TPRG1: variants seen among roughly 807,000 people sequenced by gnomAD.
TPRG1 encodes tumor protein p63 regulated 1.
TPRG1 carries 29 observed loss-of-function variants against 29.3 expected under a neutral mutation model. The observed-to-expected ratio is 0.99, with a 90% CI of 0.74 to 1.35. TPRG1 has a LOEUF of 1.35. Among genes scored for constraint, TPRG1 ranks in the 40% most tolerant of loss-of-function variants. TPRG1 has a pLI of 0.00. For synonymous variants in TPRG1, 130 were observed against 116.8 expected (o/e 1.11, Z -0.73); for missense variants, 327 against 335.0 (o/e 0.98, Z 0.19).
intron 1 of TPRG1, among the ~76,000 whole-genome samples, chr3:189,182,480 G>A (rs1730358383): frequency 6.6e-6 from 1 of 152,098 alleles, no homozygotes; most frequent in Non-Finnish European, 1.5e-5. Flanking sequence ...GCTAACCTGT[G>A]GGAAAATGGA....
chr3:189,052,913 T>G (rs1286094437), intron 4 of TPRG1, among the ~76,000 whole-genome samples: 2 of 152,064 alleles, frequency 1.3e-5, no homozygotes, highest in Non-Finnish European at 2.9e-5. Flanking sequence ...AATGATACAA[T>G]GGACTTTGGG....
At chr3:189,237,420 A>G (rs1351936443) in intron 3 of TPRG1, among the ~76,000 whole-genome samples, 1 of 152,142 alleles carries the variant, frequency 6.6e-6, no homozygotes, top group Non-Finnish European at 1.5e-5. Context: ...CCCACATGGT[A>G]CCCATTGCTA....
At chr3:189,205,360 T>C (rs1320992897) in intron 1 of TPRG1, among the ~76,000 whole-genome samples, 4 of 152,234 alleles carry the variant, frequency 2.6e-5, no homozygotes, top group Admixed American at 6.5e-5. Flanking sequence ...AGGGTGAACA[T>C]ATATATAGAG....
At chr3:189,000,295 T>G (rs710498) in intron 1 of TPRG1, among the ~76,000 whole-genome samples, 1 of 152,110 alleles carries the variant, frequency 6.6e-6, no homozygotes. Flanking sequence ...TATATTGCAT[T>G]TGTCTTCATC....
At chr3:189,151,221 G>C (rs949973647) in intron 5 of TPRG1, 50 of 91,628 alleles carry the variant, frequency 5.5e-4, no homozygotes, top group African/African-American at 2.9e-3. Context: ...CTTAACACCA[G>C]TCGTCCTTCA....
intron 4 of TPRG1, among the ~76,000 whole-genome samples, chr3:189,301,160 G>A (rs550412282): frequency 1.6e-3 from 246 of 151,886 alleles, no homozygotes; most frequent in African/African-American, 5.3e-3. Context: ...TTAGCCAGAC[G>A]TGGTGTCACA....
upstream of TPRG1, among the ~76,000 whole-genome samples, chr3:189,171,034 C>G (rs1451352246): frequency 6.6e-6 from 1 of 152,184 alleles, no homozygotes; most frequent in South Asian, 2.1e-4. Context: ...TTTCTGTGCT[C>G]TCCTTTCTTT....
chr3:189,061,398 A>C (rs1359026629), intron 4 of TPRG1, among the ~76,000 whole-genome samples: 1 of 152,252 alleles, frequency 6.6e-6, no homozygotes, highest in Non-Finnish European at 1.5e-5. Context: ...TTTCATGACA[A>C]AAATGCCAAA....
At chr3:189,025,034 C>A (rs893288819) in intron 4 of TPRG1, among the ~76,000 whole-genome samples, 2 of 152,144 alleles carry the variant, frequency 1.3e-5, no homozygotes, top group Non-Finnish European at 2.9e-5. Context: ...GCTGCCTGGT[C>A]CCCTGGATTC....
chr3:189,316,659 C>T (rs1393080908), intron 5 of TPRG1, among the ~76,000 whole-genome samples: 4 of 152,180 alleles, frequency 2.6e-5, no homozygotes, highest in African/African-American at 4.8e-5. Context: ...CGATGTCCCC[C>T]CTGTCCCCAC....
At chr3:189,117,339 C>T (rs1417439505) in intron 1 of TPRG1, among the ~76,000 whole-genome samples, 1 of 152,208 alleles carries the variant, frequency 6.6e-6, no homozygotes, top group Non-Finnish European at 1.5e-5. Flanking sequence ...TTTGCCAGCA[C>T]CTTTCCACCA....
At chr3:189,057,737 A>G (rs1715793798) in intron 4 of TPRG1, among the ~76,000 whole-genome samples, 1 of 145,706 alleles carries the variant, frequency 6.9e-6, no homozygotes, top group Admixed American at 6.9e-5. Context: ...TATTTCTATT[A>G]GTATATATAT....
At chr3:189,250,964 C>A (rs1014254080) in intron 4 of TPRG1, among the ~76,000 whole-genome samples, 1 of 151,942 alleles carries the variant, frequency 6.6e-6, no homozygotes, top group Non-Finnish European at 1.5e-5. Context: ...TGATCGCGGG[C>A]CTTAAAATCT....
chr3:189,089,785 G>A (rs536924752), intron 4 of TPRG1, among the ~76,000 whole-genome samples: 1 of 152,198 alleles, frequency 6.6e-6, no homozygotes, highest in African/African-American at 2.4e-5. Context: ...ACCTTTTAAA[G>A]GTCCCACCTT....
At chr3:189,315,588 A>G (rs62289687) in intron 5 of TPRG1, 12,617 of 432,018 alleles carry the variant, frequency 0.029, 256 homozygotes, top group Admixed American at 0.049. Flanking sequence ...ATCATGATCT[A>G]CAGACCAACC....
chr3:189,262,193 G>C (rs539306798), intron 4 of TPRG1, among the ~76,000 whole-genome samples: 4 of 123,122 alleles, frequency 3.2e-5, no homozygotes, highest in African/African-American at 1.4e-4. Flanking sequence ...GCATGGGTCT[G>C]AGAAGACTTG....
chr3:189,047,095 G>A (rs1180478066), intron 4 of TPRG1, among the ~76,000 whole-genome samples: 3 of 152,218 alleles, frequency 2.0e-5, no homozygotes, highest in South Asian at 2.1e-4. Context: ...TAGATGGAGC[G>A]AAGGATGCTA....
At chr3:189,221,068 C>G (rs1011015163) in intron 3 of TPRG1, among the ~76,000 whole-genome samples, 3 of 152,216 alleles carry the variant, frequency 2.0e-5, no homozygotes, top group African/African-American at 7.2e-5. Context: ...ATGATTCTTT[C>G]AAAACTGAAT....
Position 189,207,437 on chromosome 3 carries a change from A to T in TPRG1, c.53A>T (p.Glu18Val), listed in dbSNP as rs1734566670. ...EGFQAVSLKQ[E>V]GDDQPSETDH... ...TTCCAGGCTGTGTCTCTGAAGCAAG[A>T]GGGAGATGACCAACCCTCTGAGACT... The change falls in exon 2 of 6, where the codon GAG becomes GTG. Residue 18 changes from glutamate to valine, a missense_variant. Glu to Val is a moderately radical substitution (Grantham distance 121, BLOSUM62 -2). Coordinates refer to ENST00000345063, the MANE Select transcript of TPRG1 (RefSeq NM_198485.4). 2.5e-6 allele frequency: 4 copies of T among 1,613,962 alleles called. No homozygotes were observed. Among genetic ancestry groups the T allele is most frequent in the African/African-American group, 2.7e-5 (2 of 74,920 alleles).
Sources: gnomAD v4.1 joint callset for allele counts (sites outside exome capture counted in the v4.1 genomes callset) on GRCh38, gnomAD v4.1.1 for gene constraint, MANE v1.5 for transcripts, NCBI Gene and HGNC (gene_info 2026-07-23, HGNC 2026-07-21) for gene names.